The following HS3ST3A1 variants were observed in gnomAD, a reference collection of about 807,000 sequenced individuals.
The protein encoded by HS3ST3A1 is heparan sulfate glucosamine 3-O-sulfotransferase 3A1.
HS3ST3A1 carries 19 observed loss-of-function variants against 25.7 expected under a neutral mutation model. The ratio of observed to expected loss-of-function variants is 0.74; its 90% CI spans 0.52 to 1.08. The LOEUF (loss-of-function observed/expected upper bound fraction) is 1.08, where lower values mean the gene tolerates loss of function less well. HS3ST3A1 is among the 50% of genes least tolerant of loss of function. HS3ST3A1 has a pLI of 0.00. For missense variants in HS3ST3A1, 459 were observed against 594.3 expected (o/e 0.77, Z 2.37); for synonymous variants, 226 against 278.6 (o/e 0.81, Z 1.88).
chr17:13,554,159 T>A (rs1054868124), intron 1 of HS3ST3A1, among the ~76,000 whole-genome samples: 6 of 152,184 alleles, frequency 3.9e-5, no homozygotes, highest in African/African-American at 7.2e-5. Context: ...TGTACCTTTT[T>A]TCTGAGAGTT....
At position 13,516,559 on chromosome 17, in the gene HS3ST3A1, T is replaced by C. The variant is rs1378592868; in HGVS notation, c.600-19741A>G. On this transcript the variant is annotated intron_variant, in intron 1 of 1. Transcript: ENST00000284110. ...TTGCCTAGACCCAAGTCATGAAGCC[T>C]TAATAAAGCTTTTAACAGGCAAGTT... is the stretch of plus-strand genomic sequence containing the variant. Among the ~76,000 whole-genome samples, 4 of 152,350 alleles carry C rather than the reference T, an allele frequency of 2.6e-5. No homozygotes were observed. The East Asian group carries it at 5.8e-4, about 22-fold the overall frequency.
At position 13,496,317 on chromosome 17, in the gene HS3ST3A1, G is replaced by T. The variant is rs1905265547; in HGVS notation, c.1101C>A (p.Thr367=). ...CGATCTCAGGATGGGTCCTGCCCTT[G>T]GTCTTGCCCAGGCAATGGGGCCGGC... is the stretch of plus-strand genomic sequence containing the variant. ...GSSRPHCLGK[T]KGRTHPEIDR... Residue 367 remains threonine, a synonymous_variant, in exon 2 of 2, where the codon ACC becomes ACA. Transcript: ENST00000284110. 2 of 1,559,326 alleles carry T rather than the reference G, an allele frequency of 1.3e-6. No individual in the cohort carries two copies. The highest frequency in any genetic ancestry group is 2.8e-5 in the African/African-American group (2 of 71,848).
intron 1 of HS3ST3A1, among the ~76,000 whole-genome samples, chr17:13,581,458 C>G (rs1384240143): frequency 8.7e-6 from 1 of 115,248 alleles, no homozygotes; most frequent in Non-Finnish European, 1.9e-5. Flanking sequence ...TGAAGTGAGA[C>G]TCTATCTCAA....
At chr17:13,511,277 T>C (rs922532219) in intron 1 of HS3ST3A1, among the ~76,000 whole-genome samples, 2 of 152,180 alleles carry the variant, frequency 1.3e-5, no homozygotes, top group African/African-American at 4.8e-5. Flanking sequence ...GAAATGCTTC[T>C]GCAAACCTCT....
intron 1 of HS3ST3A1, among the ~76,000 whole-genome samples, chr17:13,520,621 T>TC (rs961760899): frequency 3.3e-5 from 5 of 151,752 alleles, no homozygotes; most frequent in South Asian, 2.1e-4. Flanking sequence ...TTTCTTTCTT[T>TC]TTTTTTTTGG....
chr17:13,536,800 C>T (rs372691348), intron 1 of HS3ST3A1, among the ~76,000 whole-genome samples: 1 of 152,120 alleles, frequency 6.6e-6, no homozygotes, highest in East Asian at 1.9e-4. Flanking sequence ...AAGGGTTCTG[C>T]CTTTGGTTTA....
intron 1 of HS3ST3A1, among the ~76,000 whole-genome samples, chr17:13,583,515 C>G (rs1908169247): frequency 3.3e-5 from 5 of 152,114 alleles, no homozygotes; most frequent in East Asian, 1.9e-4. Context: ...GTTTTCTGGG[C>G]TCCTCATACT....
chr17:13,528,963 G>A (rs1476181265), intron 1 of HS3ST3A1, among the ~76,000 whole-genome samples: 1 of 151,968 alleles, frequency 6.6e-6, no homozygotes, highest in African/African-American at 2.4e-5. Context: ...GATAAAGCTG[G>A]GAAATACGGG....
intron 1 of HS3ST3A1, among the ~76,000 whole-genome samples, chr17:13,586,964 T>C (rs1908291918): frequency 6.6e-6 from 1 of 150,466 alleles, no homozygotes; most frequent in Non-Finnish European, 1.5e-5. Context: ...TGTTTTATTT[T>C]GATTTCATAT....
intron 1 of HS3ST3A1, among the ~76,000 whole-genome samples, chr17:13,510,727 C>T (rs1905834802): frequency 1.3e-5 from 2 of 149,492 alleles, no homozygotes; most frequent in South Asian, 4.2e-4. Flanking sequence ...TTTTTTTATA[C>T]GAAGTCTTGC....
At chr17:13,564,638 G>A (rs1425450111) in intron 1 of HS3ST3A1, among the ~76,000 whole-genome samples, 1 of 151,882 alleles carries the variant, frequency 6.6e-6, no homozygotes, top group Non-Finnish European at 1.5e-5. Flanking sequence ...TGGGAGCGGG[G>A]GCTGGAGATT....
intron 1 of HS3ST3A1, among the ~76,000 whole-genome samples, chr17:13,561,614 G>T (rs142234476): frequency 6.6e-6 from 1 of 151,998 alleles, no homozygotes; most frequent in Non-Finnish European, 1.5e-5. Flanking sequence ...GGCTGGTCTC[G>T]AACTCCTGAC....
At chr17:13,565,747 T>C (rs1296316418) in intron 1 of HS3ST3A1, among the ~76,000 whole-genome samples, 2 of 152,222 alleles carry the variant, frequency 1.3e-5, no homozygotes, top group Non-Finnish European at 2.9e-5. Flanking sequence ...CTTGTTTTCC[T>C]TCTGGATTCA....
In HS3ST3A1 at chr17:13,600,497, TCCTTCAGCCCCAGCCCGGGC is replaced by T; in HGVS notation, c.599+14_599+33del. On this transcript the variant is annotated intron_variant, in intron 1 of 1. Transcript: ENST00000284110. ...TCTTTCCCAGCCCAGGACCCCCGGA[TCCTTCAGCCCCAGCCCGGGC>T]CCGCCCCGCTCACCGGTACCAGGCG... 1 of 1,546,030 alleles carries T rather than the reference TCCTTCAGCCCCAGCCCGGGC, an allele frequency of 6.5e-7. No homozygotes were observed. The highest frequency in any genetic ancestry group is 1.4e-5 in the African/African-American group (1 of 72,098).
At chr17:13,542,411 G>A (rs937008461) in intron 1 of HS3ST3A1, among the ~76,000 whole-genome samples, 6 of 151,974 alleles carry the variant, frequency 3.9e-5, no homozygotes, top group Non-Finnish European at 5.9e-5. Flanking sequence ...TAAAGGAAGA[G>A]GAAGAGATAC....
At chr17:13,549,697 C>A (rs1213629031) in intron 1 of HS3ST3A1, among the ~76,000 whole-genome samples, 7 of 152,198 alleles carry the variant, frequency 4.6e-5, no homozygotes, top group Admixed American at 2.0e-4. Flanking sequence ...GCCCCCTAAA[C>A]CCCCATACAG....
chr17:13,562,020 A>G (rs1234914912), intron 1 of HS3ST3A1, among the ~76,000 whole-genome samples: 1 of 152,126 alleles, frequency 6.6e-6, no homozygotes, highest in African/African-American at 2.4e-5. Flanking sequence ...TGACAAAGTC[A>G]CGCCGCCCAT....
chr17:13,499,225 T>G (rs368571778), intron 1 of HS3ST3A1, among the ~76,000 whole-genome samples: 1 of 152,258 alleles, frequency 6.6e-6, no homozygotes. Flanking sequence ...GTGACATGAA[T>G]GCATAGAACT....
At chr17:13,571,814 C>T (rs1052276740) in intron 1 of HS3ST3A1, among the ~76,000 whole-genome samples, 3 of 152,134 alleles carry the variant, frequency 2.0e-5, no homozygotes, top group African/African-American at 4.8e-5. Flanking sequence ...GGCTGGAGTG[C>T]GGTGGCATGA....
Sources: gnomAD v4.1 joint callset for allele counts (sites outside exome capture counted in the v4.1 genomes callset) on GRCh38, gnomAD v4.1.1 for gene constraint, MANE v1.5 for transcripts, NCBI Gene and HGNC (gene_info 2026-07-23, HGNC 2026-07-21) for gene names.